The following ITGA2 variants were observed in gnomAD, a reference collection of about 807,000 sequenced individuals.
The protein encoded by ITGA2 is integrin alpha-2.
In ITGA2, 101 loss-of-function variants were observed where a neutral mutation model predicts 146.3. The ratio of observed to expected loss-of-function variants is 0.69; its 90% CI spans 0.59 to 0.81. ITGA2 has a LOEUF of 0.81. Ranked by LOEUF, ITGA2 falls within the 40% of genes least tolerant of loss-of-function variation. The pLI is 0.00. For synonymous variants in ITGA2, 477 were observed against 487.1 expected (o/e 0.98, Z 0.27); for missense variants, 1,281 against 1,402.7 (o/e 0.91, Z 1.39).
chr5:53,068,779 G>A (rs1180822196), intron 16 of ITGA2, among the ~76,000 whole-genome samples: 1 of 150,260 alleles, frequency 6.7e-6, no homozygotes, highest in Non-Finnish European at 1.5e-5. Context: ...TAAAGCATAT[G>A]GTTTCTATCA....
At chr5:53,036,836 T>C (rs896484612) in intron 2 of ITGA2, among the ~76,000 whole-genome samples, 1 of 152,184 alleles carries the variant, frequency 6.6e-6, no homozygotes, top group African/African-American at 2.4e-5. Flanking sequence ...CCACCACGTA[T>C]AGACTCACAG....
At chr5:53,074,950 A>G in intron 21 of ITGA2, 111 bp from the exon 22 acceptor site, 1 of 750,700 alleles carries the variant, frequency 1.3e-6, no homozygotes, top group Non-Finnish European at 2.3e-6. Flanking sequence ...AGGTATATAA[A>G]ATTCAGAATC....
chr5:53,019,139 G>A (rs549791081), intron 1 of ITGA2, among the ~76,000 whole-genome samples: 1 of 151,382 alleles, frequency 6.6e-6, no homozygotes, highest in Non-Finnish European at 1.5e-5. Context: ...TGAAAATAAA[G>A]GGTACTTTAA....
At chr5:53,001,252 A>G (rs1034983340) in intron 1 of ITGA2, among the ~76,000 whole-genome samples, 4 of 152,150 alleles carry the variant, frequency 2.6e-5, no homozygotes, top group Non-Finnish European at 4.4e-5. Context: ...GAAGTTTTGC[A>G]GTGGCAGTGT....
intron 1 of ITGA2, among the ~76,000 whole-genome samples, chr5:52,995,486 A>T (rs1741193496): frequency 1.3e-5 from 2 of 152,124 alleles, no homozygotes; most frequent in Admixed American, 1.3e-4. Context: ...TTGATGATTG[A>T]TTTACTATGG....
At chr5:53,072,528 A>C in intron 18 of ITGA2, 85 bp from the exon 19 acceptor site, 2 of 852,556 alleles carry the variant, frequency 2.3e-6, no homozygotes, top group Non-Finnish European at 3.9e-6. Context: ...ACTTTATGTA[A>C]ATAGAATAAT....
intron 23 of ITGA2, among the ~76,000 whole-genome samples, chr5:53,077,231 G>C (rs1374514998): frequency 6.6e-6 from 1 of 151,814 alleles, no homozygotes; most frequent in East Asian, 1.9e-4. Flanking sequence ...TGGTTGTTTT[G>C]CATTTTTATT....
At chr5:53,021,211 A>G (rs1742666245) in intron 1 of ITGA2, among the ~76,000 whole-genome samples, 1 of 152,022 alleles carries the variant, frequency 6.6e-6, no homozygotes. Flanking sequence ...TTTATATGCT[A>G]CCATTTGCAT....
chr5:53,028,891 T>C (rs558809810), intron 2 of ITGA2, among the ~76,000 whole-genome samples: 1 of 152,332 alleles, frequency 6.6e-6, no homozygotes, highest in South Asian at 2.1e-4. Flanking sequence ...TTACAGGCAC[T>C]GCTGCAGCAG....
chr5:53,081,714 T>C lies in ITGA2; in HGVS notation c.3144+18T>C. The C allele has an allele frequency of 6.6e-7, 1 of 1,508,356 alleles. No individual in the cohort carries two copies. The highest frequency in any genetic ancestry group is 9.2e-7 in the Non-Finnish European group (1 of 1,086,472). The allele number at this position is 1,508,356 out of a possible 1,614,324, so 93.4% of individuals were successfully genotyped here. The stretch of plus-strand genomic sequence containing the variant: ...AAGAATTGGTGAGGACAAGTTAACG[T>C]GTGAAAGCTCCCCTCATTCATTTAT... On this transcript the variant is annotated intron_variant, in intron 26 of 29. Coordinates refer to ENST00000296585, the MANE Select transcript of ITGA2 (RefSeq NM_002203.4).
At chr5:53,075,385 C>T in intron 23 of ITGA2, 81 bp downstream of exon 23, 1 of 1,000,030 alleles carries the variant, frequency 1.0e-6, no homozygotes, top group African/African-American at 1.6e-5. Context: ...TAAAGAAGTC[C>T]TCTGTATGCT....
intron 7 of ITGA2, 33 bp downstream of exon 7, chr5:53,051,592 A>G (rs1744368349): frequency 2.5e-6 from 4 of 1,589,980 alleles, no homozygotes; most frequent in Middle Eastern, 1.7e-4. Flanking sequence ...CAATGTTTTC[A>G]TAATGTAAAA....
At chr5:53,043,989 A>C (rs1375606135) in intron 3 of ITGA2, among the ~76,000 whole-genome samples, 1 of 151,702 alleles carries the variant, frequency 6.6e-6, no homozygotes, top group African/African-American at 2.4e-5. Context: ...GAAGGGGTGA[A>C]CTTGGCTGGG....
intron 16 of ITGA2, among the ~76,000 whole-genome samples, chr5:53,068,955 A>G (rs999117153): frequency 6.6e-6 from 1 of 150,736 alleles, no homozygotes; most frequent in South Asian, 2.1e-4. Context: ...CCTTTACATC[A>G]TCTTCACAAC....
chr5:53,006,164 C>T (rs546751534), intron 1 of ITGA2, among the ~76,000 whole-genome samples: 12 of 152,180 alleles, frequency 7.9e-5, no homozygotes, highest in Admixed American at 2.6e-4. Flanking sequence ...CCATGGCACA[C>T]GTTTACCTAT....
At position 53,081,671 on chromosome 5, in the gene ITGA2, A is replaced by T; in HGVS notation, c.3119A>T (p.Glu1040Val). The T allele has an allele frequency of 7.4e-6, 12 of 1,612,636 alleles. No homozygotes were observed. The highest frequency in any genetic ancestry group is 9.3e-6 in the Non-Finnish European group (11 of 1,179,118). The change falls in exon 26 of 30, where the codon GAA becomes GTA. Residue 1040 changes from glutamate to valine, a missense_variant. Coordinates refer to ENST00000296585, the MANE Select transcript of ITGA2 (RefSeq NM_002203.4). ...TCTTCTTCTGTATCTTTCAAAAGTG[A>T]AAATTTCAGGCACACCAAAGAATTG... ...QTSSSVSFKS[E>V]NFRHTKELNC...
At chr5:53,087,563 C>T (rs1438535289) in intron 28 of ITGA2, among the ~76,000 whole-genome samples, 1 of 150,988 alleles carries the variant, frequency 6.6e-6, no homozygotes, top group Non-Finnish European at 1.5e-5. Context: ...GACACTGACA[C>T]TGTGTGGCAT....
At chr5:53,066,166 C>T (rs550727295) in intron 15 of ITGA2, among the ~76,000 whole-genome samples, 189 bp downstream of exon 15, 1 of 151,932 alleles carries the variant, frequency 6.6e-6, no homozygotes, top group Non-Finnish European at 1.5e-5. Context: ...ATTTGCTTAC[C>T]ATTAGAAATA....
chr5:53,013,379 T>C (rs1286553898), intron 1 of ITGA2, among the ~76,000 whole-genome samples: 4 of 151,588 alleles, frequency 2.6e-5, no homozygotes, highest in African/African-American at 9.7e-5. Context: ...TCTTTCTTTT[T>C]TTTTTTTTGT....
Sources: gnomAD v4.1 joint callset for allele counts (sites outside exome capture counted in the v4.1 genomes callset) on GRCh38, gnomAD v4.1.1 for gene constraint, MANE v1.5 for transcripts, NCBI Gene and HGNC (gene_info 2026-07-23, HGNC 2026-07-21) for gene names.